DCLK1: variants seen among roughly 807,000 people sequenced by gnomAD.
The protein encoded by DCLK1 is serine/threonine-protein kinase DCLK1.
In DCLK1, 16 loss-of-function variants were observed where a neutral mutation model predicts 86.2. The ratio of observed to expected loss-of-function variants is 0.19; its 90% CI spans 0.13 to 0.28. The LOEUF (loss-of-function observed/expected upper bound fraction) is 0.28, where lower values mean the gene tolerates loss of function less well. Among genes scored for constraint, DCLK1 ranks in the 10% least tolerant of loss-of-function variants. The probability of loss-of-function intolerance (pLI) is 1.00; values close to 1 mark genes in which losing one functional copy is unlikely to be tolerated. For missense variants in DCLK1, 590 were observed against 940.2 expected (o/e 0.63, Z 4.87); for synonymous variants, 369 against 370.5 (o/e 1.00, Z 0.05).
intron 4 of DCLK1, among the ~76,000 whole-genome samples, chr13:35,916,988 C>T (rs912391209): frequency 1.3e-5 from 2 of 152,168 alleles, no homozygotes; most frequent in African/African-American, 4.8e-5. Flanking sequence ...TCTTCTACCT[C>T]GAGGAAAATA....
chr13:35,943,922 T>A (rs1566613956), intron 4 of DCLK1, among the ~76,000 whole-genome samples: 3 of 152,214 alleles, frequency 2.0e-5, no homozygotes, highest in Admixed American at 1.3e-4. Context: ...AAGGATCTGC[T>A]GGCCTCTCTG....
intron 4 of DCLK1, among the ~76,000 whole-genome samples, chr13:35,943,633 G>T (rs9601696): frequency 0.016 from 2,485 of 152,204 alleles, 66 homozygotes; most frequent in East Asian, 0.055. Flanking sequence ...GAATGAATGG[G>T]TGAAGGAACA....
intron 3 of DCLK1, among the ~76,000 whole-genome samples, chr13:35,989,804 A>G (rs539937837): frequency 2.7e-4 from 41 of 149,300 alleles, no homozygotes; most frequent in African/African-American, 8.4e-4. Flanking sequence ...CTCCTGCTTC[A>G]GCCTCCTGAA....
At chr13:35,967,215 C>T (rs1030812451) in intron 3 of DCLK1, among the ~76,000 whole-genome samples, 2 of 150,382 alleles carry the variant, frequency 1.3e-5, no homozygotes, top group South Asian at 4.2e-4. Flanking sequence ...AACTGAGGAG[C>T]CCCTCTGCCC....
At chr13:35,958,151 CACTATA>C (rs1478504216) in intron 3 of DCLK1, among the ~76,000 whole-genome samples, 1 of 106,342 alleles carries the variant, frequency 9.4e-6, no homozygotes, top group Non-Finnish European at 1.9e-5. Context: ...CCACCACCAC[CACTATA>C]ACCATCACCA....
At chr13:35,886,498 C>G (rs1873261472) in intron 4 of DCLK1, among the ~76,000 whole-genome samples, 1 of 152,102 alleles carries the variant, frequency 6.6e-6, no homozygotes. Flanking sequence ...AAAGCTCCCC[C>G]CGATGTTGCA....
At chr13:36,111,035 C>A (rs933186804) in intron 3 of DCLK1, among the ~76,000 whole-genome samples, 1 of 151,754 alleles carries the variant, frequency 6.6e-6, no homozygotes, top group African/African-American at 2.4e-5. Flanking sequence ...GGGGTTTCAC[C>A]CTGTTAGCCA....
chr13:36,016,020 C>T (rs1214846727), intron 3 of DCLK1, among the ~76,000 whole-genome samples: 1 of 152,156 alleles, frequency 6.6e-6, no homozygotes, highest in Admixed American at 6.5e-5. Flanking sequence ...TGGGTAATAA[C>T]TACTGAGCAA....
At chr13:35,886,051 AC>A (rs1873214125) in intron 4 of DCLK1, among the ~76,000 whole-genome samples, 1 of 133,362 alleles carries the variant, frequency 7.5e-6, no homozygotes, top group Non-Finnish European at 1.5e-5. Context: ...TCGCTCTGTC[AC>A]CCAGGCTGGA....
At chr13:35,811,785 G>C (rs185118190) in intron 11 of DCLK1, among the ~76,000 whole-genome samples, 1 of 151,506 alleles carries the variant, frequency 6.6e-6, no homozygotes, top group Admixed American at 6.6e-5. Context: ...AGTGAGCTGA[G>C]ATCAAGCCAT....
chr13:35,867,165 T>C (rs1413885637), intron 5 of DCLK1, among the ~76,000 whole-genome samples: 1 of 152,220 alleles, frequency 6.6e-6, no homozygotes. Flanking sequence ...AAGTCACTTT[T>C]GGTAGCAAGT....
chr13:35,806,382 A>G (rs1341042525), intron 14 of DCLK1, among the ~76,000 whole-genome samples: 1 of 152,188 alleles, frequency 6.6e-6, no homozygotes, highest in Non-Finnish European at 1.5e-5. Context: ...ACAAAGAAAA[A>G]TAGAACTATT....
chr13:35,920,624 G>A (rs1296103342), intron 4 of DCLK1, among the ~76,000 whole-genome samples: 1 of 152,096 alleles, frequency 6.6e-6, no homozygotes, highest in Non-Finnish European at 1.5e-5. Context: ...AGACCATGGA[G>A]GACAAGAAGG....
At chr13:35,987,134 A>T (rs1879956692) in intron 3 of DCLK1, among the ~76,000 whole-genome samples, 1 of 152,206 alleles carries the variant, frequency 6.6e-6, no homozygotes, top group South Asian at 2.1e-4. Flanking sequence ...ATTAAGTATC[A>T]GTGGCGGCTG....
intron 11 of DCLK1, among the ~76,000 whole-genome samples, chr13:35,819,378 C>T (rs2087341417): frequency 6.6e-6 from 1 of 152,052 alleles, no homozygotes; most frequent in African/African-American, 2.4e-5. Context: ...TAAGACCAGG[C>T]TACATTTTTA....
intron 3 of DCLK1, among the ~76,000 whole-genome samples, chr13:36,054,188 C>T (rs571494928): frequency 6.6e-6 from 1 of 152,194 alleles, no homozygotes; most frequent in South Asian, 2.1e-4. Flanking sequence ...GGTAGCAACC[C>T]TTATAAGATA....
intron 2 of DCLK1, among the ~76,000 whole-genome samples, chr13:36,116,280 T>C (rs970795989): frequency 2.0e-5 from 3 of 152,192 alleles, no homozygotes; most frequent in Non-Finnish European, 4.4e-5. Context: ...CTGGCCATTA[T>C]TCTTCAAAGC....
Position 36,129,961 on chromosome 13 carries a change from A to T in DCLK1, c.-20+1153T>A, listed in dbSNP as rs1886307467. Among the ~76,000 whole-genome samples the T allele has an allele frequency of 1.3e-5, 2 of 152,026 alleles. 1 individual carries two copies. The highest frequency in any genetic ancestry group is 4.1e-4 in the South Asian group (2 of 4,824). Reference sequence around the variant, plus strand: ...TCAGAAATTTACACACATATATACCAAGAAAAAAATGGCATAAATGCTACC... The same window carrying T: ...TCAGAAATTTACACACATATATACCTAGAAAAAAATGGCATAAATGCTACC... On this transcript the variant is annotated intron_variant, in intron 1 of 16. Transcript: ENST00000360631.
chr13:35,839,290 T>C (rs1869624241), intron 6 of DCLK1, 114 bp from the exon 7 acceptor site: 2 of 845,452 alleles, frequency 2.4e-6, no homozygotes, highest in Non-Finnish European at 3.7e-6. Context: ...TAGGGAGGAT[T>C]TGATCTTAAC....
Sources: gnomAD v4.1 joint callset for allele counts (sites outside exome capture counted in the v4.1 genomes callset) on GRCh38, gnomAD v4.1.1 for gene constraint, MANE v1.5 for transcripts, NCBI Gene and HGNC (gene_info 2026-07-23, HGNC 2026-07-21) for gene names.